The following SNX31 variants were observed in gnomAD, a reference collection of about 807,000 sequenced individuals.
The protein encoded by SNX31 is sorting nexin-31.
In SNX31, 58 loss-of-function variants were observed where a neutral mutation model predicts 65.4. The ratio of observed to expected loss-of-function variants is 0.89; its 90% confidence interval spans 0.72 to 1.10. The LOEUF is 1.10. Among genes scored for constraint, SNX31 ranks in the 50% least tolerant of loss-of-function variants. The pLI is 0.00. For synonymous variants in SNX31, 181 were observed against 190.1 expected, an observed-to-expected ratio of 0.95 and a Z score of 0.39; for missense variants, 523 against 529.7, an observed-to-expected ratio of 0.99 and a Z score of 0.12.
rs571403520 is a variant in SNX31, at chr8:100,624,575, T to C, written c.321+5752A>G. Among the ~76,000 whole-genome samples, 96 of 152,334 alleles carry C rather than the reference T, an allele frequency of 6.3e-4. 1 individual carries two copies. The highest frequency in any genetic ancestry group is 2.2e-3 in the African/African-American group (93 of 41,578). The stretch of plus-strand genomic sequence containing the variant: ...GAGAATTGATGGCATCAAAAGATCT[T>C]GGTGTGATGAGACCAAAGCAAGCAC... On this transcript the variant is annotated intron_variant, in intron 4 of 13. Coordinates refer to ENST00000311812, the MANE Select transcript of SNX31 (RefSeq NM_152628.4).
intron 11 of SNX31, among the ~76,000 whole-genome samples, chr8:100,587,380 G>A (rs554074785): frequency 5.3e-4 from 80 of 152,288 alleles, no homozygotes; most frequent in African/African-American, 1.9e-3. Flanking sequence ...CTGATCTCCT[G>A]TGACTAGTAA....
intron 5 of SNX31, among the ~76,000 whole-genome samples, chr8:100,616,163 G>A (rs111332428): frequency 2.0e-3 from 302 of 152,250 alleles, no homozygotes; most frequent in African/African-American, 6.7e-3. Context: ...AATGTTGACC[G>A]AAACGTCATT....
intron 12 of SNX31, among the ~76,000 whole-genome samples, chr8:100,581,546 T>C (rs1813557497): frequency 6.6e-6 from 1 of 152,018 alleles, no homozygotes; most frequent in African/African-American, 2.4e-5. Flanking sequence ...TTCCTCTTAC[T>C]AGGATAAAAC....
At chr8:100,633,397 T>TTTTA (rs1278618971) in intron 3 of SNX31, among the ~76,000 whole-genome samples, 2 of 152,144 alleles carry the variant, frequency 1.3e-5, no homozygotes, top group South Asian at 2.1e-4. Context: ...ACACAAAGTA[T>TTTTA]TTTATTTATT....
intron 10 of SNX31, among the ~76,000 whole-genome samples, chr8:100,590,429 A>G (rs534541831): frequency 6.6e-6 from 1 of 151,984 alleles, no homozygotes; most frequent in Non-Finnish European, 1.5e-5. Context: ...CTTGTCTCCA[A>G]AAAACAGGAA....
chr8:100,644,603 G>A (rs1819499451), intron 2 of SNX31, among the ~76,000 whole-genome samples: 2 of 152,202 alleles, frequency 1.3e-5, no homozygotes, highest in Admixed American at 1.3e-4. Context: ...ATGACAGAGG[G>A]CGCAGGTCAC....
At chr8:100,661,297 C>T (rs897397826) in intron 1 of SNX31, among the ~76,000 whole-genome samples, 11 of 152,076 alleles carry the variant, frequency 7.2e-5, no homozygotes, top group South Asian at 2.1e-4. Flanking sequence ...TGAGCCACTG[C>T]GCCCGGCAAA....
At chr8:100,605,048 G>A (rs773016747) in intron 8 of SNX31, among the ~76,000 whole-genome samples, 13 of 152,006 alleles carry the variant, frequency 8.6e-5, no homozygotes, top group African/African-American at 1.2e-4. Flanking sequence ...ACAGGCGTGC[G>A]CCACCGTGCC....
Position 100,649,279 on chromosome 8 carries a change from C to A in SNX31, c.136G>T (p.Glu46Ter). 1.2e-6 allele frequency: 2 copies of A among 1,614,004 alleles called. No homozygotes were observed. Among genetic ancestry groups the A allele is most frequent in the South Asian group, 2.2e-5 (2 of 91,060 alleles). Reference sequence around the variant, plus strand: ...CCCGCCTCCAATCTGCTCACCTGTTCGTTCCAACCGTGCAGCTGGCTGTAG... The same window carrying A: ...CCCGCCTCCAATCTGCTCACCTGTTAGTTCCAACCGTGCAGCTGGCTGTAG... Reference protein sequence around the residue: ...VRYSQLHGWNEQLRRVFGNCL... With the variant: ...VRYSQLHGWN The change falls in exon 2 of 14, where the codon GAA becomes TAA. Residue 46 changes from glutamate to a stop codon, truncating the protein, a stop_gained. Coordinates refer to ENST00000311812, the MANE Select transcript of SNX31 (RefSeq NM_152628.4). LOFTEE classifies it high-confidence loss of function.
upstream of SNX31, among the ~76,000 whole-genome samples, chr8:100,653,983 A>C (rs1008959624): frequency 6.6e-5 from 10 of 152,120 alleles, no homozygotes; most frequent in Non-Finnish European, 1.3e-4. Flanking sequence ...GCTTGCAACA[A>C]CCATCTGAAC....
chr8:100,608,890 CT>C (rs1486998654), intron 7 of SNX31, among the ~76,000 whole-genome samples: 1 of 152,168 alleles, frequency 6.6e-6, no homozygotes, highest in Non-Finnish European at 1.5e-5. Context: ...CGCACAATAC[CT>C]GGCATAGTCA....
chr8:100,581,311 T>TTATATATCTATATA lies in SNX31; in HGVS notation c.1170+2799_1170+2800insTATATAGATATATA, dbSNP rs1554570413. ...GTGACCCTGTCTTTAAAAAAATTTT[T>TTATATATCTATATA]TATATATCTATATCTATCTATCTAT... On this transcript the variant is annotated intron_variant, in intron 12 of 13. Transcript: ENST00000311812. 5.7e-4 allele frequency among the ~76,000 whole-genome samples: 70 copies of TTATATATCTATATA among 122,686 alleles called. 3 individuals are homozygous for TTATATATCTATATA. Among genetic ancestry groups the TTATATATCTATATA allele is most frequent in the African/African-American group, 3.0e-3 (65 of 21,454 alleles). 80.5% of individuals were successfully genotyped at this position (122,686 alleles called of 152,430 possible). A position where few individuals can be genotyped will look rare whatever the true frequency, so the allele number is the denominator to read the frequency against.
In SNX31 at chr8:100,613,859, A is replaced by G. The variant is rs923888149; in HGVS notation, c.433-774T>C. On this transcript the variant is annotated intron_variant, in intron 5 of 13. Coordinates refer to ENST00000311812, the MANE Select transcript of SNX31 (RefSeq NM_152628.4). This position sits in a 1 kb window ranked among gnomAD's most constrained non-coding sequence, Gnocchi z 5.2. ...CATCTGCCCAGCCCAGCCCCTATTT[A>G]ACACTGGGCTCTCGAGTAATTTCTT... is the stretch of plus-strand genomic sequence containing the variant. 1.3e-5 allele frequency among the ~76,000 whole-genome samples: 2 copies of G among 152,056 alleles called. No individual in the cohort carries two copies. The highest frequency in any genetic ancestry group is 4.8e-5 in the African/African-American group (2 of 41,386).
intron 2 of SNX31, among the ~76,000 whole-genome samples, chr8:100,641,565 A>AAT (rs1237945389): frequency 0.031 from 979 of 32,018 alleles, 54 homozygotes; most frequent in Non-Finnish European, 0.042. Flanking sequence ...AAAAAAAAAA[A>AAT]ATATATATAT....
At chr8:100,611,705 A>T (rs923580690) in intron 7 of SNX31, among the ~76,000 whole-genome samples, 1 of 152,150 alleles carries the variant, frequency 6.6e-6, no homozygotes, top group Non-Finnish European at 1.5e-5. Flanking sequence ...CAGATGCACA[A>T]CACCACATCT....
chr8:100,645,755 G>A (rs1819588728), intron 2 of SNX31, among the ~76,000 whole-genome samples: 1 of 151,966 alleles, frequency 6.6e-6, no homozygotes, highest in Non-Finnish European at 1.5e-5. Flanking sequence ...GGAATTACAG[G>A]AGCACCACCA....
rs1563547770 is a variant in SNX31 at position 100,612,002 on chromosome 8, C to T, written c.609G>A (p.Lys203=). ...EVENCKVGLR[K]WYMAPSLDSV... ...TGTCACTTTCAGAACCTACTTACCA[C>T]TTTCGGAGTCCAACCTTACAGTTTT... Residue 203 remains lysine (K), a splice_region_variant and synonymous_variant, in exon 7 of 14, where the codon AAG becomes AAA. Transcript: ENST00000311812. The surrounding 1 kb of genome is among the most constrained non-coding windows in gnomAD (Gnocchi z 4.3). 2 of 1,613,760 alleles carry T rather than the reference C, an allele frequency of 1.2e-6. No homozygotes were observed.
intron 2 of SNX31, among the ~76,000 whole-genome samples, chr8:100,647,895 T>C (rs1005294461): frequency 6.6e-6 from 1 of 152,204 alleles, no homozygotes; most frequent in Non-Finnish European, 1.5e-5. Flanking sequence ...CAATTCCCCA[T>C]GTGTTTCAGT....
At chr8:100,641,345 T>C (rs1285085474) in intron 2 of SNX31, among the ~76,000 whole-genome samples, 1 of 151,432 alleles carries the variant, frequency 6.6e-6, no homozygotes, top group East Asian at 2.0e-4. Flanking sequence ...AAGACCAGCC[T>C]AGGTAACATG....
Sources: gnomAD v4.1 joint callset for allele counts (sites outside exome capture counted in the v4.1 genomes callset) on GRCh38, gnomAD v4.1.1 for gene constraint, Gnocchi (gnomAD v3.1) non-coding constraint, MANE v1.5 for transcripts, NCBI Gene and HGNC (gene_info 2026-07-23, HGNC 2026-07-21) for gene names.